Variants in RBFOX1 observed in about 807,000 individuals in gnomAD.
RBFOX1 encodes RNA binding protein fox-1 homolog 1.
RBFOX1 carries 8 observed loss-of-function variants against 57.7 expected under a neutral mutation model. The ratio of observed to expected loss-of-function variants is 0.14; its 90% confidence interval spans 0.08 to 0.25. The LOEUF (loss-of-function observed/expected upper bound fraction) is 0.25, where lower values mean the gene tolerates loss of function less well. RBFOX1 is among the 10% of genes least tolerant of loss of function. The pLI is 1.00. For missense variants in RBFOX1, 611 were observed against 548.5 expected, an observed-to-expected ratio of 1.11 and a Z score of -1.14; for synonymous variants, 326 against 222.4, an observed-to-expected ratio of 1.47 and a Z score of -4.15.
At chr16:5,265,511 A>G (rs1449689980) in intron 1 of RBFOX1, among the ~76,000 whole-genome samples, 1 of 152,216 alleles carries the variant, frequency 6.6e-6, no homozygotes, top group Non-Finnish European at 1.5e-5. Flanking sequence ...CTGATTCCCA[A>G]CTATCAGTAA....
chr16:6,948,821 G>C (rs1195348068), intron 3 of RBFOX1, among the ~76,000 whole-genome samples: 1 of 152,174 alleles, frequency 6.6e-6, no homozygotes, highest in Admixed American at 6.5e-5. Context: ...AAATCCTAGA[G>C]AGATGATTTG....
intron 3 of RBFOX1, among the ~76,000 whole-genome samples, chr16:6,822,118 A>G (rs1212990811): frequency 4.6e-5 from 7 of 152,136 alleles, no homozygotes; most frequent in Non-Finnish European, 8.8e-5. Context: ...GGGGAGACAG[A>G]CTGAGAAAGG....
chr16:6,468,450 C>T lies in RBFOX1; in HGVS notation c.-64+151393C>T, dbSNP rs143518400. 2.6e-3 allele frequency among the ~76,000 whole-genome samples: 393 copies of T among 152,192 alleles called. 5 individuals carry two copies. The highest frequency in any genetic ancestry group is 9.0e-3 in the African/African-American group (372 of 41,544). On this transcript the variant is annotated intron_variant, in intron 2 of 15. Transcript: ENST00000550418. ...ATACAATTATAGCTTAGGACATTGC[C>T]ATCTGTGGTGGGACATTTCAAACAG...
At chr16:7,071,041 A>G (rs1298823668) in intron 4 of RBFOX1, among the ~76,000 whole-genome samples, 1 of 152,166 alleles carries the variant, frequency 6.6e-6, no homozygotes, top group Non-Finnish European at 1.5e-5. Flanking sequence ...ACTTCAAAAA[A>G]CAGCATAGCC....
At chr16:6,360,452 A>G (rs1600095204) in intron 2 of RBFOX1, among the ~76,000 whole-genome samples, 1 of 152,296 alleles carries the variant, frequency 6.6e-6, no homozygotes. Context: ...TTGGAAAAAA[A>G]AATGTCCAAG....
At chr16:7,161,588 A>C (rs902714821) in intron 4 of RBFOX1, among the ~76,000 whole-genome samples, 5 of 152,126 alleles carry the variant, frequency 3.3e-5, no homozygotes, top group Admixed American at 1.3e-4. Context: ...ACCTACTAAG[A>C]ATCAGATTTA....
chr16:6,792,588 C>G (rs1456182481), intron 3 of RBFOX1, among the ~76,000 whole-genome samples: 1 of 152,188 alleles, frequency 6.6e-6, no homozygotes. Context: ...ACTGTGCCTC[C>G]TACTACGAAG....
chr16:6,256,201 ATGTATATGTG>A (rs2097663076), intron 1 of RBFOX1, among the ~76,000 whole-genome samples: 1 of 34,970 alleles, frequency 2.9e-5, no homozygotes, highest in African/African-American at 1.0e-4. Flanking sequence ...ATATATGTAT[ATGTATATGTG>A]TATATATATG....
intron 3 of RBFOX1, among the ~76,000 whole-genome samples, chr16:5,658,747 TA>T (rs2049538901): frequency 3.5e-4 from 1 of 2,850 alleles, no homozygotes; most frequent in Non-Finnish European, 8.5e-3. Context: ...TAAATGTGTA[TA>T]TATATATATA....
intron 3 of RBFOX1, among the ~76,000 whole-genome samples, chr16:6,839,465 A>G (rs562604610): frequency 5.2e-4 from 79 of 152,350 alleles, no homozygotes; most frequent in African/African-American, 1.9e-3. Context: ...TATCTGCTGA[A>G]CAGCTCTGGG....
intron 1 of RBFOX1, among the ~76,000 whole-genome samples, chr16:6,296,630 T>A (rs1050092451): frequency 3.9e-5 from 6 of 152,056 alleles, no homozygotes; most frequent in African/African-American, 1.4e-4. Flanking sequence ...CCGTGTTAGC[T>A]GGGATGGTCT....
chr16:5,466,019 G>A (rs1315690282), intron 1 of RBFOX1, among the ~76,000 whole-genome samples: 1 of 152,200 alleles, frequency 6.6e-6, no homozygotes, highest in Non-Finnish European at 1.5e-5. Flanking sequence ...GGCTGGGCAG[G>A]AAGAGGAGGT....
At position 6,908,887 on chromosome 16, in the gene RBFOX1, C is replaced by G. The variant is rs201444622; in HGVS notation, c.-15-143170C>G. Among the ~76,000 whole-genome samples the G allele has an allele frequency of 4.1e-4, 63 of 152,234 alleles. No homozygotes were observed. The East Asian group carries it at 0.011, about 26-fold the overall frequency. On this transcript the variant is annotated intron_variant, in intron 3 of 15. Transcript: ENST00000550418. Reference sequence around the variant, plus strand: ...GTTTATATAATAATTTTGAACAATGCTAGGCACATCCTAAGCATTCATGAC... The same window carrying G: ...GTTTATATAATAATTTTGAACAATGGTAGGCACATCCTAAGCATTCATGAC...
At chr16:7,115,476 T>C (rs2065692669) in intron 4 of RBFOX1, among the ~76,000 whole-genome samples, 1 of 152,176 alleles carries the variant, frequency 6.6e-6, no homozygotes. Flanking sequence ...CGAAAGCATG[T>C]TTGCTGAGTA....
At chr16:6,177,304 T>C (rs2097019754) in intron 1 of RBFOX1, among the ~76,000 whole-genome samples, 1 of 152,104 alleles carries the variant, frequency 6.6e-6, no homozygotes, top group South Asian at 2.1e-4. Flanking sequence ...CTTGTTTCTT[T>C]CTCCCTTTGC....
intron 10 of RBFOX1, among the ~76,000 whole-genome samples, chr16:7,626,505 C>T (rs1266718124): frequency 6.6e-6 from 1 of 152,106 alleles, no homozygotes; most frequent in Non-Finnish European, 1.5e-5. Context: ...GGCTTTGGAA[C>T]GGGCTCTGAT....
rs189623139 is a variant in RBFOX1 at position 7,326,291 on chromosome 16, T to C, written c.28-191856T>C. On this transcript the variant is annotated intron_variant, in intron 4 of 15. Transcript: ENST00000550418. ...CCCAGGGCAAATCACTGCTGATGTT[T>C]CAGAATCTCAGCCCCATAGATCACG... Among the ~76,000 whole-genome samples the C allele has an allele frequency of 2.5e-3, 375 of 152,292 alleles. 1 individual carries two copies. Among genetic ancestry groups the C allele is most frequent in the African/African-American group, 8.6e-3 (359 of 41,554 alleles).
At chr16:6,424,983 C>G (rs1233787052) in intron 2 of RBFOX1, among the ~76,000 whole-genome samples, 2 of 152,144 alleles carry the variant, frequency 1.3e-5, no homozygotes, top group African/African-American at 2.4e-5. Flanking sequence ...GGAAAAAATA[C>G]TCTACAATAT....
At chr16:7,014,243 C>T (rs1017447361) in intron 3 of RBFOX1, among the ~76,000 whole-genome samples, 3 of 152,012 alleles carry the variant, frequency 2.0e-5, no homozygotes, top group Non-Finnish European at 4.4e-5. Flanking sequence ...TGGAGTCTCG[C>T]TCTGTCGCCC....
Sources: allele counts gnomAD v4.1 joint callset (sites outside exome capture counted in the v4.1 genomes callset), GRCh38; gene constraint gnomAD v4.1.1; transcripts MANE v1.5; gene names NCBI Gene and HGNC (gene_info 2026-07-23, HGNC 2026-07-21).